The following CDH18 variants were observed in gnomAD, a reference collection of about 807,000 sequenced individuals.
CDH18 encodes the protein cadherin 18.
In CDH18, 31 loss-of-function variants were observed where a neutral mutation model predicts 67.9. The observed-to-expected ratio is 0.46, with a 90% CI of 0.34 to 0.62. The LOEUF is 0.62. Among genes scored for constraint, CDH18 ranks in the 20% least tolerant of loss-of-function variants. CDH18 has a pLI of 0.01. For synonymous variants in CDH18, 362 were observed against 347.2 expected, an observed-to-expected ratio of 1.04 and a Z score of -0.48; for missense variants, 890 against 975.5, an observed-to-expected ratio of 0.91 and a Z score of 1.17.
At chr5:20,023,484 C>A (rs1212436525) in intron 2 of CDH18, among the ~76,000 whole-genome samples, 2 of 151,720 alleles carry the variant, frequency 1.3e-5, no homozygotes, top group Admixed American at 1.3e-4. Flanking sequence ...ATGGTGAAAC[C>A]CCGTCTCTAC....
rs992068950 is a variant in CDH18, at chr5:20,170,292, C to T, written c.-518+85152G>A. ...AACATGTGCTGTTTGGTTTTCTGCT[C>T]CTGTGTTACGTTCCTGAGTATAATG... On this transcript the variant is annotated intron_variant, in intron 2 of 14. Coordinates refer to the CDH18 transcript ENST00000507958. Among the ~76,000 whole-genome samples the T allele has an allele frequency of 4.6e-5, 7 of 151,854 alleles. No homozygotes were observed. In the East Asian group the frequency reaches 1.4e-3, roughly 30 times the overall value.
At chr5:20,156,854 G>A (rs1038079089) in intron 2 of CDH18, among the ~76,000 whole-genome samples, 1 of 152,136 alleles carries the variant, frequency 6.6e-6, no homozygotes, top group Non-Finnish European at 1.5e-5. Flanking sequence ...TGTTTGGATG[G>A]AATATGTAGA....
rs148963207 is a variant in CDH18, at chr5:19,507,348, A to G, written c.1513-4239T>C. ...CAACCCTTGTGGAAGTCAGTGTGGC[A>G]ATTCCTCAGGGATCCAGAACTAGAA... On this transcript the variant is annotated intron_variant, in intron 10 of 12. Coordinates refer to ENST00000382275, the MANE Select transcript of CDH18 (RefSeq NM_004934.5). Among the ~76,000 whole-genome samples, 695 of 152,224 alleles carry G rather than the reference A, an allele frequency of 4.6e-3. 9 individuals carry two copies. The highest frequency in any genetic ancestry group is 0.016 in the African/African-American group (647 of 41,538).
At chr5:19,847,503 T>C (rs1783127776) in intron 2 of CDH18, among the ~76,000 whole-genome samples, 1 of 152,126 alleles carries the variant, frequency 6.6e-6, no homozygotes, top group Non-Finnish European at 1.5e-5. Flanking sequence ...TGTTTATGCA[T>C]TGTTTTACTG....
At chr5:20,059,090 C>A (rs998166757) in intron 2 of CDH18, among the ~76,000 whole-genome samples, 3 of 152,086 alleles carry the variant, frequency 2.0e-5, no homozygotes, top group African/African-American at 7.2e-5. Context: ...TTATCCATTT[C>A]TTCTAGATTT....
chr5:20,079,409 T>C (rs1744250780), intron 2 of CDH18, among the ~76,000 whole-genome samples: 1 of 152,230 alleles, frequency 6.6e-6, no homozygotes, highest in South Asian at 2.1e-4. Context: ...TTTCTAAAGC[T>C]GAATTTTATT....
intron 5 of CDH18, among the ~76,000 whole-genome samples, chr5:19,684,143 T>G (rs1479278319): frequency 1.3e-5 from 2 of 152,116 alleles, no homozygotes; most frequent in African/African-American, 4.8e-5. Context: ...AGCTGAGAAA[T>G]CTCTCATATT....
chr5:20,513,985 A>G (rs1475404037), intron 1 of CDH18, among the ~76,000 whole-genome samples: 1 of 152,190 alleles, frequency 6.6e-6, no homozygotes, highest in Non-Finnish European at 1.5e-5. Flanking sequence ...AATAAAATGC[A>G]CTATGATATT....
chr5:20,167,354 A>T (rs554087826), intron 2 of CDH18, among the ~76,000 whole-genome samples: 2 of 152,176 alleles, frequency 1.3e-5, no homozygotes, highest in East Asian at 1.9e-4. Flanking sequence ...GCTTTTTAAG[A>T]TCGGGATTTT....
intron 2 of CDH18, among the ~76,000 whole-genome samples, chr5:19,947,305 T>C (rs1306151221): frequency 6.6e-6 from 1 of 151,986 alleles, no homozygotes; most frequent in Non-Finnish European, 1.5e-5. Flanking sequence ...TCACACCTTG[T>C]ATGAAAATTA....
intron 1 of CDH18, among the ~76,000 whole-genome samples, chr5:20,546,094 T>C (rs1757327600): frequency 6.6e-6 from 1 of 152,114 alleles, no homozygotes; most frequent in South Asian, 2.1e-4. Context: ...ATGCTGCCAG[T>C]CTCTTTGCAT....
intron 11 of CDH18, chr5:19,502,674 A>C: frequency 2.2e-6 from 1 of 455,472 alleles, no homozygotes; most frequent in Non-Finnish European, 3.8e-6. Context: ...TAATTTGAAT[A>C]TTTTCTACCT....
rs1209618936 is a variant in CDH18 at position 19,959,161 on chromosome 5, T to C, written c.-257+21899A>G. ...AATGAAAAAGAAAAGTAGAAAAAGATTGAAGATGAGAAGGGAAACAGAGAG... is the reference window on the plus strand; with the variant it reads ...AATGAAAAAGAAAAGTAGAAAAAGACTGAAGATGAGAAGGGAAACAGAGAG... On this transcript the variant is annotated intron_variant, in intron 2 of 12. Coordinates refer to ENST00000382275, the MANE Select transcript of CDH18 (RefSeq NM_004934.5). 3.3e-5 allele frequency among the ~76,000 whole-genome samples: 5 copies of C among 152,176 alleles called. No individual in the cohort carries two copies. The East Asian group carries it at 5.8e-4, about 18-fold the overall frequency.
intron 3 of CDH18, among the ~76,000 whole-genome samples, chr5:19,836,718 G>T (rs960274831): frequency 4.6e-5 from 7 of 151,978 alleles, no homozygotes; most frequent in Non-Finnish European, 7.4e-5. Flanking sequence ...ATTGCTTTTT[G>T]TGTTTTAGTC....
chr5:19,532,963 T>C (rs755410444), intron 9 of CDH18, among the ~76,000 whole-genome samples: 24 of 152,152 alleles, frequency 1.6e-4, no homozygotes, highest in Non-Finnish European at 3.1e-4. Context: ...ACCTGCAGCA[T>C]GTCGAGTTTG....
rs576934170 is a variant in CDH18, at chr5:20,522,077, A to G, written c.-580+53385T>C. ...TCAATATCACTAGTGTTCTTACAAA[A>G]AGAGAAAATTTGGCCATACAGAGAA... is the stretch of plus-strand genomic sequence containing the variant. On this transcript the variant is annotated intron_variant, in intron 1 of 14. Transcript: ENST00000507958. Among the ~76,000 whole-genome samples, 5 of 152,254 alleles carry G rather than the reference A, an allele frequency of 3.3e-5. No homozygotes were observed. The South Asian group carries it at 1.0e-3, about 32-fold the overall frequency.
chr5:20,118,170 G>A (rs951500264), intron 2 of CDH18, among the ~76,000 whole-genome samples: 6 of 152,042 alleles, frequency 3.9e-5, no homozygotes, highest in Non-Finnish European at 7.4e-5. Flanking sequence ...TAGAGTTATA[G>A]AAAACTTTTG....
In CDH18 at chr5:19,473,386, T is replaced by A; in HGVS notation, c.2213A>T (p.Tyr738Phe). 1 of 1,613,910 alleles carries A rather than the reference T, an allele frequency of 6.2e-7. No homozygotes were observed. Among genetic ancestry groups the A allele is most frequent in the Admixed American group, 1.7e-5 (1 of 59,942 alleles). Residue 738 changes from tyrosine to phenylalanine, a missense_variant, in exon 13 of 13, where the codon TAT becomes TTT. Physicochemically the swap from Tyr to Phe is conservative, Grantham distance 22 (BLOSUM62 3). Transcript: ENST00000382275. ...TTCTGATCTCTGACCCTCATAGGCA[T>A]AAGTCTGAAGAGAGTCATAAGGGGG... Reference protein sequence around the residue: ...SVPPYDSLQTYAYEGQRSEAG... With the variant: ...SVPPYDSLQTFAYEGQRSEAG...
intron 1 of CDH18, among the ~76,000 whole-genome samples, chr5:20,466,684 TGC>T (rs1751654191): frequency 6.6e-6 from 1 of 152,188 alleles, no homozygotes; most frequent in African/African-American, 2.4e-5. Flanking sequence ...CAAGGAGTGT[TGC>T]GTCATCAGAG....
Sources: gnomAD v4.1 joint callset for allele counts (sites outside exome capture counted in the v4.1 genomes callset) on GRCh38, gnomAD v4.1.1 for gene constraint, MANE v1.5 for transcripts, NCBI Gene and HGNC (gene_info 2026-07-23, HGNC 2026-07-21) for gene names.